Variants in ATP2B2 observed in about 807,000 individuals in gnomAD.
ATP2B2 encodes the protein plasma membrane calcium-transporting ATPase 2.
Under a neutral mutation model 120.0 loss-of-function variants are expected in ATP2B2, and 15 were observed. That is an observed-to-expected ratio of 0.12 (90% CI 0.08 to 0.19). The LOEUF (loss-of-function observed/expected upper bound fraction) is 0.19, where lower values mean the gene tolerates loss of function less well. Ranked by LOEUF, ATP2B2 falls within the 10% of genes least tolerant of loss-of-function variation. The probability of loss-of-function intolerance (pLI) is 1.00; values close to 1 mark genes in which losing one functional copy is unlikely to be tolerated. For synonymous variants in ATP2B2, 694 were observed against 700.3 expected (o/e 0.99, Z 0.14); for missense variants, 1,045 against 1,719.8 (o/e 0.61, Z 6.94).
At chr3:10,609,164 C>T (rs529111406) in intron 2 of ATP2B2, among the ~76,000 whole-genome samples, 2 of 152,352 alleles carry the variant, frequency 1.3e-5, no homozygotes, top group East Asian at 3.9e-4. Context: ...GACCCCGTGG[C>T]TCTACTGCAC....
intron 1 of ATP2B2, among the ~76,000 whole-genome samples, chr3:10,475,022 C>T (rs941467448): frequency 4.6e-5 from 7 of 152,200 alleles, no homozygotes; most frequent in Admixed American, 3.3e-4. Flanking sequence ...TGAGAATGTC[C>T]GAATTAACCA....
intron 1 of ATP2B2, among the ~76,000 whole-genome samples, chr3:10,623,665 A>G (rs1022251614): frequency 6.6e-6 from 1 of 152,190 alleles, no homozygotes; most frequent in Non-Finnish European, 1.5e-5. Flanking sequence ...CTGGGTGACA[A>G]TGAGGTTCCA....
At chr3:10,357,684 G>A (rs994203494) in intron 14 of ATP2B2, among the ~76,000 whole-genome samples, 1 of 152,172 alleles carries the variant, frequency 6.6e-6, no homozygotes, top group Non-Finnish European at 1.5e-5. Flanking sequence ...CCAGGGCCTG[G>A]CCAGGGCATC....
chr3:10,519,837 C>T (rs1262482420), intron 3 of ATP2B2, among the ~76,000 whole-genome samples: 1 of 152,254 alleles, frequency 6.6e-6, no homozygotes, highest in Non-Finnish European at 1.5e-5. Context: ...TCTGTGCCAG[C>T]ACTGATGCTG....
intron 2 of ATP2B2, among the ~76,000 whole-genome samples, chr3:10,423,862 G>A (rs959013061): frequency 1.3e-5 from 2 of 152,166 alleles, no homozygotes; most frequent in South Asian, 2.1e-4. Context: ...ACCTAGCTTC[G>A]CCTGCTGAGG....
intron 1 of ATP2B2, among the ~76,000 whole-genome samples, chr3:10,499,024 C>T (rs186532202): frequency 3.3e-5 from 5 of 152,286 alleles, no homozygotes; most frequent in Admixed American, 6.5e-5. Context: ...CTCCACTTTG[C>T]ATATCAGGAT....
intron 1 of ATP2B2, among the ~76,000 whole-genome samples, chr3:10,674,667 T>TA (rs1365577624): frequency 1.3e-5 from 2 of 152,252 alleles, no homozygotes; most frequent in Non-Finnish European, 2.9e-5. Flanking sequence ...ATCCTTCACT[T>TA]ACATTCACCA....
chr3:10,504,924 A>G (rs1223248904), intron 1 of ATP2B2, among the ~76,000 whole-genome samples: 1 of 152,082 alleles, frequency 6.6e-6, no homozygotes, highest in Non-Finnish European at 1.5e-5. Context: ...GGCCTGACCC[A>G]ATGAGTCCCA....
chr3:10,513,492 C>T (rs921865837), intron 3 of ATP2B2, among the ~76,000 whole-genome samples: 2 of 151,984 alleles, frequency 1.3e-5, no homozygotes, highest in East Asian at 1.9e-4. Context: ...GGATGGAACC[C>T]GAAGATGAAC....
At chr3:10,414,760 A>G (rs2062725681) in intron 2 of ATP2B2, among the ~76,000 whole-genome samples, 3 of 152,128 alleles carry the variant, frequency 2.0e-5, no homozygotes, top group Non-Finnish European at 4.4e-5. Flanking sequence ...GGCACAGAGC[A>G]GCTTCTCTGT....
intron 3 of ATP2B2, among the ~76,000 whole-genome samples, chr3:10,511,645 C>G (rs2066763432): frequency 6.6e-6 from 1 of 152,206 alleles, no homozygotes. Flanking sequence ...TCAGATCCCA[C>G]TGCCCAGAGA....
intron 1 of ATP2B2, among the ~76,000 whole-genome samples, chr3:10,638,548 T>C (rs2070085370): frequency 6.6e-6 from 1 of 151,522 alleles, no homozygotes; most frequent in South Asian, 2.1e-4. Flanking sequence ...CAACAGGAAA[T>C]AGGGAAAAAG....
intron 14 of ATP2B2, among the ~76,000 whole-genome samples, chr3:10,354,731 G>A (rs938274370): frequency 6.6e-6 from 1 of 152,222 alleles, no homozygotes; most frequent in African/African-American, 2.4e-5. Flanking sequence ...TCAACCCCTT[G>A]ACAGCCAGGG....
chr3:10,696,111 C>T (rs1019947596), intron 1 of ATP2B2, among the ~76,000 whole-genome samples: 6 of 152,208 alleles, frequency 3.9e-5, no homozygotes, highest in African/African-American at 1.4e-4. Context: ...TCCCCAGCCT[C>T]ACCCTATGAA....
Position 10,375,182 on chromosome 3 carries a change from G to C in ATP2B2, c.1416+248C>G, listed in dbSNP as rs1474486047. Among the ~76,000 whole-genome samples, 1 of 152,222 alleles carries C rather than the reference G, an allele frequency of 6.6e-6. No individual in the cohort carries two copies. Among genetic ancestry groups the C allele is most frequent in the Non-Finnish European group, 1.5e-5 (1 of 68,044 alleles). On this transcript the variant is annotated intron_variant, in intron 11 of 22. Coordinates refer to ENST00000360273, the MANE Select transcript of ATP2B2 (RefSeq NM_001001331.4). This position sits in a 1 kb window ranked among gnomAD's most constrained non-coding sequence, Gnocchi z 4.2. Reference sequence around the variant, plus strand: ...GCTGGGCCTGCACCCCTGCAAGGCGGCGTGTGGCTGGGCTGAATAACAGCT... The same window carrying C: ...GCTGGGCCTGCACCCCTGCAAGGCGCCGTGTGGCTGGGCTGAATAACAGCT...
Position 10,340,700 on chromosome 3 carries a change from C to G in ATP2B2, c.2922G>C (p.Glu974Asp). ...ALIFTLLFVG[E>D]KMFQIDSGRN... ...TCCCGCTGTCGATCTGGAACATCTT[C>G]TCGCCTGCCAAGTGAGAGAGTGGGG... Residue 974 changes from glutamate to aspartate, a missense_variant, in exon 20 of 23, where the codon GAG becomes GAC. Glu to Asp is a conservative substitution (Grantham distance 45, BLOSUM62 2). This residue lies in a region of ATP2B2 where 211 missense variants were observed against 385.1 expected (regional missense o/e 0.55). Coordinates refer to ENST00000360273, the MANE Select transcript of ATP2B2 (RefSeq NM_001001331.4). This position sits in a 1 kb window ranked among gnomAD's most constrained non-coding sequence, Gnocchi z 5.0. 1 of 1,614,000 alleles carries G rather than the reference C, an allele frequency of 6.2e-7. No individual in the cohort carries two copies. The highest frequency in any genetic ancestry group is 8.5e-7 in the Non-Finnish European group (1 of 1,179,902).
chr3:10,508,721 G>C (rs1048153524), upstream of ATP2B2, among the ~76,000 whole-genome samples: 8 of 152,228 alleles, frequency 5.3e-5, no homozygotes, highest in Non-Finnish European at 1.2e-4. Context: ...TTGGGGGGCA[G>C]GGGGTATTGG....
intron 21 of ATP2B2, 42 bp from the exon 22 acceptor site, chr3:10,338,400 C>T: frequency 6.2e-7 from 1 of 1,609,842 alleles, no homozygotes; most frequent in Non-Finnish European, 8.5e-7. Context: ...GGCTGTCCTT[C>T]CCAGTGGCCT....
chr3:10,475,506 G>T (rs1483037974), intron 1 of ATP2B2, among the ~76,000 whole-genome samples: 1 of 152,190 alleles, frequency 6.6e-6, no homozygotes, highest in Non-Finnish European at 1.5e-5. Flanking sequence ...ACGGATTGGG[G>T]TTAGGCAGAT....
Sources: gnomAD v4.1 joint callset for allele counts (sites outside exome capture counted in the v4.1 genomes callset) on GRCh38, gnomAD v4.1.1 for gene constraint, gnomAD v4.1.1 regional missense constraint, Gnocchi (gnomAD v3.1) non-coding constraint, MANE v1.5 for transcripts, NCBI Gene and HGNC (gene_info 2026-07-23, HGNC 2026-07-21) for gene names.